PWWP3B: variants seen among roughly 807,000 people sequenced by gnomAD.
PWWP3B encodes PWWP domain-containing DNA repair factor 3B.
In PWWP3B, 5 loss-of-function variants were observed where a neutral mutation model predicts 15.7. The observed-to-expected ratio is 0.32, with a 90% CI of 0.17 to 0.67. The LOEUF is 0.67. Ranked by LOEUF, PWWP3B falls within the 30% of genes least tolerant of loss-of-function variation. The pLI is 0.74. For synonymous variants in PWWP3B, 203 were observed against 179.8 expected (o/e 1.13, Z -1.03); for missense variants, 519 against 493.1 (o/e 1.05, Z -0.50).
In PWWP3B at chrX:106,207,688, T is replaced by C. The variant is rs931666176; in HGVS notation, c.*165T>C. 2.6e-5 allele frequency: 11 copies of C among 431,367 alleles called. No individual in the cohort carries two copies. The highest frequency in any genetic ancestry group is 9.3e-5 in the South Asian group (1 of 10,713). The allele number at this position is 431,367 out of a possible 1,213,427, so 35.5% of individuals were successfully genotyped here. On this transcript the variant is annotated 3_prime_UTR_variant, in exon 4 of 4. Coordinates refer to ENST00000357175, the MANE Select transcript of PWWP3B (RefSeq NM_001171020.2). ...ATCTGTGGTTATAATTACATCTTTA[T>C]TTCCTTTTCTTGCGCTTCTTCAAAG...
At chrX:106,195,941 CTATT>C (rs1438577850) in intron 2 of PWWP3B, among the ~76,000 whole-genome samples, 2 of 111,393 alleles carry the variant, frequency 1.8e-5, no homozygotes, top group Non-Finnish European at 3.8e-5. Context: ...GTATATTTCT[CTATT>C]TATTTAGGTC....
chrX:106,191,517 T>C (rs1483678296), intron 2 of PWWP3B, among the ~76,000 whole-genome samples: 2 of 111,347 alleles, frequency 1.8e-5, no homozygotes, highest in African/African-American at 3.3e-5. Flanking sequence ...CTTTTCCTAA[T>C]TGAATACTCT....
chrX:106,187,856 A>T (rs1458420362), intron 2 of PWWP3B, among the ~76,000 whole-genome samples: 2 of 112,019 alleles, frequency 1.8e-5, no homozygotes, highest in Non-Finnish European at 3.8e-5. Flanking sequence ...GACCTTATGC[A>T]CTAAAATAAT....
intron 2 of PWWP3B, among the ~76,000 whole-genome samples, chrX:106,184,038 C>T (rs1286452768): frequency 8.9e-6 from 1 of 111,802 alleles, no homozygotes; most frequent in African/African-American, 3.3e-5. Context: ...GGGTGATTGG[C>T]CTGCTCCATT....
chrX:106,182,719 G>A (rs1433782325), intron 2 of PWWP3B, among the ~76,000 whole-genome samples: 1 of 109,443 alleles, frequency 9.1e-6, no homozygotes, highest in East Asian at 2.9e-4. Context: ...CACTAGTGGT[G>A]GGGGCACTGC....
intron 2 of PWWP3B, among the ~76,000 whole-genome samples, chrX:106,193,019 T>C (rs1923102019): frequency 8.9e-6 from 1 of 111,788 alleles, no homozygotes; most frequent in Non-Finnish European, 1.9e-5. Context: ...GTATATTTTG[T>C]TGATTTAGGG....
chrX:106,203,619 G>GA (rs1007868730), intron 2 of PWWP3B, among the ~76,000 whole-genome samples: 13 of 111,288 alleles, frequency 1.2e-4, no homozygotes, highest in African/African-American at 4.2e-4. Flanking sequence ...CAATTCCATT[G>GA]AAAAAAAATT....
rs745909961 is a variant in PWWP3B at position 106,175,301 on chromosome X, C to T, written c.-401+4162C>T. 3.6e-3 allele frequency among the ~76,000 whole-genome samples: 325 copies of T among 90,008 alleles called. 1 individual carries two copies. Among genetic ancestry groups the T allele is most frequent in the African/African-American group, 0.013 (310 of 23,054 alleles). 78.2% of individuals were successfully genotyped at this position (90,008 alleles called of 115,157 possible). A position where few individuals can be genotyped will look rare whatever the true frequency, so the allele number is the denominator to read the frequency against. On this transcript the variant is annotated intron_variant, in intron 2 of 3. Transcript: ENST00000357175. ...TGTCGCCCAGGCTGGAGTGCACTGG[C>T]GCGATCTCGGCTCACTGCAAGCTCC...
At chrX:106,175,164 G>C (rs1460663869) in intron 2 of PWWP3B, among the ~76,000 whole-genome samples, 1 of 109,558 alleles carries the variant, frequency 9.1e-6, no homozygotes, top group African/African-American at 3.3e-5. Flanking sequence ...AGTTGCTGAA[G>C]ATGGTTGTAG....
At position 106,170,253 on chromosome X, in the gene PWWP3B, A is replaced by G. The variant is rs1265514215; in HGVS notation, c.-528-759A>G. On this transcript the variant is annotated intron_variant, in intron 1 of 3. Coordinates refer to ENST00000357175, the MANE Select transcript of PWWP3B (RefSeq NM_001171020.2). ...GGGTCTAGTTTCAAAAAGCTTCCACATTGGTAAGTCTCTACAGAAAAAAAT... is the reference window on the plus strand; with the variant it reads ...GGGTCTAGTTTCAAAAAGCTTCCACGTTGGTAAGTCTCTACAGAAAAAAAT... Among the ~76,000 whole-genome samples the G allele has an allele frequency of 3.6e-5, 4 of 112,161 alleles. No individual in the cohort carries two copies. In the East Asian group the frequency reaches 1.1e-3, roughly 31 times the overall value.
At chrX:106,181,700 G>A (rs1470891508) in intron 2 of PWWP3B, among the ~76,000 whole-genome samples, 2 of 111,341 alleles carry the variant, frequency 1.8e-5, no homozygotes, top group African/African-American at 6.5e-5. Context: ...GGTGAAGAAG[G>A]GGCCCTGCAG....
Position 106,207,616 on chromosome X carries a change from A to G in PWWP3B, c.*93A>G. The G allele has an allele frequency of 1.1e-6, 1 of 879,929 alleles. No individual in the cohort carries two copies. The highest frequency in any genetic ancestry group is 3.5e-5 in the East Asian group (1 of 28,791). 72.5% of individuals were successfully genotyped at this position (879,929 alleles called of 1,213,427 possible). On this transcript the variant is annotated 3_prime_UTR_variant, in exon 4 of 4. Transcript: ENST00000357175. ...ATTCTCTCTAATACATATTTTCTGC[A>G]AATGGGAGCATGGATAATGTGTTCA...
intron 2 of PWWP3B, among the ~76,000 whole-genome samples, chrX:106,172,464 AT>A (rs1293244670): frequency 1.8e-5 from 2 of 109,963 alleles, no homozygotes; most frequent in Non-Finnish European, 3.8e-5. Context: ...AAAATTTTTT[AT>A]TTTTTTTCTT....
In PWWP3B at chrX:106,180,275, C is replaced by T. The variant is rs148675777; in HGVS notation, c.-401+9136C>T. ...ATCTCTCACCACCCTCTCATACACA[C>T]GTATATTCATTCCTTAGATGTAATA... On this transcript the variant is annotated intron_variant, in intron 2 of 3. Coordinates refer to ENST00000357175, the MANE Select transcript of PWWP3B (RefSeq NM_001171020.2). 9.1e-3 allele frequency among the ~76,000 whole-genome samples: 1,019 copies of T among 111,641 alleles called. 16 individuals are homozygous for T. Among genetic ancestry groups the T allele is most frequent in the African/African-American group, 0.031 (957 of 30,706 alleles).
intron 2 of PWWP3B, among the ~76,000 whole-genome samples, chrX:106,197,867 A>T (rs574581009): frequency 1.8e-5 from 2 of 111,445 alleles, no homozygotes; most frequent in Admixed American, 1.9e-4. Context: ...GAGATTTATC[A>T]TTATTAAGTT....
At chrX:106,194,909 C>T (rs1923279530) in intron 2 of PWWP3B, among the ~76,000 whole-genome samples, 1 of 111,438 alleles carries the variant, frequency 9.0e-6, no homozygotes, top group East Asian at 2.8e-4. Flanking sequence ...GAAGTTTTAT[C>T]TCAGAGCAGT....
rs193290265 is a variant in PWWP3B, at chrX:106,168,818, T to A, written c.-529+393T>A. 4.4e-5 allele frequency among the ~76,000 whole-genome samples: 5 copies of A among 112,404 alleles called. No individual in the cohort carries two copies. The East Asian group carries it at 1.1e-3, about 25-fold the overall frequency. On this transcript the variant is annotated intron_variant, in intron 1 of 3. Coordinates refer to ENST00000357175, the MANE Select transcript of PWWP3B (RefSeq NM_001171020.2). The stretch of plus-strand genomic sequence containing the variant: ...TTTCTAACAAATCTTACTGTTTTGG[T>A]GGAGTATGTTAGTAATTTAAAGTAA...
At chrX:106,188,917 A>C (rs1922690541) in intron 2 of PWWP3B, among the ~76,000 whole-genome samples, 1 of 112,575 alleles carries the variant, frequency 8.9e-6, no homozygotes. Context: ...AATTACCAGT[A>C]GATTTGTAGT....
intron 2 of PWWP3B, among the ~76,000 whole-genome samples, chrX:106,195,334 G>A (rs1923309504): frequency 1.8e-5 from 2 of 111,211 alleles, no homozygotes; most frequent in Admixed American, 9.6e-5. Context: ...GTTATTTTTT[G>A]AAAAGAACTT....
Sources: gnomAD v4.1 joint callset for allele counts (sites outside exome capture counted in the v4.1 genomes callset) on GRCh38, gnomAD v4.1.1 for gene constraint, MANE v1.5 for transcripts, NCBI Gene and HGNC (gene_info 2026-07-23, HGNC 2026-07-21) for gene names.